ATG5: variants seen among roughly 807,000 people sequenced by gnomAD.
ATG5 encodes autophagy protein 5.
ATG5 carries 14 observed loss-of-function variants against 36.5 expected under a neutral mutation model. The observed-to-expected ratio is 0.38, with a 90% confidence interval of 0.25 to 0.60. The LOEUF (loss-of-function observed/expected upper bound fraction) is 0.60. ATG5 is among the 20% of genes least tolerant of loss of function. The probability of loss-of-function intolerance (pLI) is 0.60; values close to 1 mark genes in which losing one functional copy is unlikely to be tolerated. For missense variants in ATG5, 195 were observed against 326.7 expected (o/e 0.60, Z 3.11); for synonymous variants, 95 against 101.5 (o/e 0.94, Z 0.38).
intron 7 of ATG5, among the ~76,000 whole-genome samples, chr6:106,196,981 C>T (rs1776219626): frequency 1.3e-5 from 2 of 152,098 alleles, no homozygotes; most frequent in African/African-American, 4.8e-5. Flanking sequence ...ACAGATAAAA[C>T]ACAAATGTAT....
chr6:106,187,063 T>TCGGTC (rs1775801042), intron 7 of ATG5, among the ~76,000 whole-genome samples: 1 of 152,212 alleles, frequency 6.6e-6, no homozygotes, highest in Non-Finnish European at 1.5e-5. Context: ...GTACATGAAG[T>TCGGTC]CGGTCCATAC....
chr6:106,251,588 A>G (rs191464941), intron 5 of ATG5, among the ~76,000 whole-genome samples: 3 of 60,968 alleles, frequency 4.9e-5, no homozygotes, highest in Admixed American at 4.4e-4. Flanking sequence ...CTATATTCTT[A>G]TATTAAAAAG....
At chr6:106,297,106 A>G (rs1444313549) in intron 3 of ATG5, among the ~76,000 whole-genome samples, 5 of 152,230 alleles carry the variant, frequency 3.3e-5, no homozygotes, top group Non-Finnish European at 7.3e-5. Context: ...TAATAGAAGA[A>G]CAATATATTT....
intron 6 of ATG5, among the ~76,000 whole-genome samples, chr6:106,205,235 G>A (rs1297622672): frequency 2.6e-5 from 4 of 152,150 alleles, no homozygotes; most frequent in African/African-American, 9.7e-5. Flanking sequence ...CTGGTGCAGT[G>A]GAAAAGGAAG....
intron 5 of ATG5, among the ~76,000 whole-genome samples, chr6:106,278,706 T>C (rs1357666036): frequency 6.6e-6 from 1 of 150,576 alleles, no homozygotes; most frequent in Admixed American, 6.6e-5. Context: ...TCTTGGCCAA[T>C]TCCCTTTTTT....
At position 106,316,229 on chromosome 6, in the gene ATG5, T is replaced by C. The variant is rs762501872; in HGVS notation, c.-21A>G. ...GTCATTCTTCCAGGAGTTAAAGCAG[T>C]ACATACAGGCTAAATTCTTATTTCA... On this transcript the variant is annotated 5_prime_UTR_variant, in exon 2 of 8. Coordinates refer to ENST00000369076, the MANE Select transcript of ATG5 (RefSeq NM_004849.4). 1 of 1,587,308 alleles carries C rather than the reference T, an allele frequency of 6.3e-7. No individual in the cohort carries two copies. Among genetic ancestry groups the C allele is most frequent in the Non-Finnish European group, 8.6e-7 (1 of 1,156,566 alleles).
At chr6:106,240,156 A>C (rs1484586576) in intron 6 of ATG5, among the ~76,000 whole-genome samples, 1 of 152,000 alleles carries the variant, frequency 6.6e-6, no homozygotes, top group Non-Finnish European at 1.5e-5. Flanking sequence ...CGCCTGGCTA[A>C]GGGGCCTTTT....
intron 7 of ATG5, among the ~76,000 whole-genome samples, chr6:106,189,806 T>C (rs749785518): frequency 2.8e-4 from 43 of 152,100 alleles, no homozygotes; most frequent in Middle Eastern, 3.4e-3. Context: ...ACAAAGAAAA[T>C]GACTCAGGAG....
rs185091957 is a variant in ATG5 at position 106,232,866 on chromosome 6, T to C, written c.573+15284A>G. On this transcript the variant is annotated intron_variant, in intron 6 of 7. Coordinates refer to ENST00000369076, the MANE Select transcript of ATG5 (RefSeq NM_004849.4). Reference sequence around the variant, plus strand: ...GACCTTAAGGATGCCTTTTTCTGCATCCCTGTACATCCTGACTCTCAATTC... The same window carrying C: ...GACCTTAAGGATGCCTTTTTCTGCACCCCTGTACATCCTGACTCTCAATTC... Among the ~76,000 whole-genome samples, 3 of 152,280 alleles carry C rather than the reference T, an allele frequency of 2.0e-5. No individual in the cohort carries two copies. In the East Asian group the frequency reaches 5.8e-4, roughly 29 times the overall value.
chr6:106,316,237 G>A lies in ATG5; in HGVS notation c.-29C>T, dbSNP rs1253222085. 3.2e-6 allele frequency: 5 copies of A among 1,569,598 alleles called. No homozygotes were observed. The highest frequency in any genetic ancestry group is 4.4e-6 in the Non-Finnish European group (5 of 1,142,938). ...TCCAGGAGTTAAAGCAGTACATACA[G>A]GCTAAATTCTTATTTCAACCAAAGC... On this transcript the variant is annotated 5_prime_UTR_variant, in exon 2 of 8. Coordinates refer to ENST00000369076, the MANE Select transcript of ATG5 (RefSeq NM_004849.4).
At chr6:106,206,109 A>T (rs1247282644) in intron 6 of ATG5, among the ~76,000 whole-genome samples, 16 of 152,088 alleles carry the variant, frequency 1.1e-4, no homozygotes. Flanking sequence ...TCATGCTGAA[A>T]CCTATTCCTC....
At chr6:106,195,680 G>A (rs1476846273) in intron 7 of ATG5, among the ~76,000 whole-genome samples, 1 of 151,988 alleles carries the variant, frequency 6.6e-6, no homozygotes, top group Non-Finnish European at 1.5e-5. Context: ...GCAGTCAAGA[G>A]AAGCATTTGA....
At chr6:106,221,342 C>T (rs551989101) in intron 6 of ATG5, among the ~76,000 whole-genome samples, 1 of 152,260 alleles carries the variant, frequency 6.6e-6, no homozygotes, top group African/African-American at 2.4e-5. Flanking sequence ...CTATTTTCAA[C>T]AGTTATAACA....
At position 106,186,536 on chromosome 6, in the gene ATG5, T is replaced by A. The variant is rs1282643292; in HGVS notation, c.*4A>T. ...TGATTCTGTTCAGGCAAATAGTTGA[T>A]CCTTCAATCTGTTGGCTGTGGGATG... is the stretch of plus-strand genomic sequence containing the variant. On this transcript the variant is annotated 3_prime_UTR_variant, in exon 8 of 8. Transcript: ENST00000369076. 3.1e-6 allele frequency: 5 copies of A among 1,613,104 alleles called. No homozygotes were observed. Among genetic ancestry groups the A allele is most frequent in the Admixed American group, 1.7e-5 (1 of 59,968 alleles).
intron 6 of ATG5, among the ~76,000 whole-genome samples, chr6:106,230,983 T>C (rs1217781420): frequency 1.3e-5 from 2 of 151,938 alleles, no homozygotes; most frequent in Non-Finnish European, 2.9e-5. Context: ...AGAGTCTACC[T>C]CCCTACCCCA....
intron 5 of ATG5, among the ~76,000 whole-genome samples, chr6:106,270,824 G>A (rs924948692): frequency 1.2e-4 from 19 of 152,076 alleles, no homozygotes; most frequent in African/African-American, 4.3e-4. Context: ...TCTCCATGCA[G>A]CTGCCCAAAT....
rs201547309 is a variant in ATG5, at chr6:106,309,615, G to GC, written c.109-1125_109-1124insG. Among the ~76,000 whole-genome samples, 232 of 152,198 alleles carry GC rather than the reference G, an allele frequency of 1.5e-3. 9 individuals are homozygous for GC. The East Asian group carries it at 0.039, about 25-fold the overall frequency. On this transcript the variant is annotated intron_variant, in intron 2 of 7. Coordinates refer to ENST00000369076, the MANE Select transcript of ATG5 (RefSeq NM_004849.4). ...TTACTATTTAATATAAGAAAAAGCA[G>GC]TTTTTCCCCCACAGGAAGTATTATC...
At chr6:106,321,811 G>A (rs1362518182) in intron 1 of ATG5, among the ~76,000 whole-genome samples, 1 of 152,018 alleles carries the variant, frequency 6.6e-6, no homozygotes, top group Non-Finnish European at 1.5e-5. Flanking sequence ...TCCCCACATT[G>A]AACTGGGAGT....
At chr6:106,259,035 T>C (rs1191130037) in intron 5 of ATG5, among the ~76,000 whole-genome samples, 1 of 152,206 alleles carries the variant, frequency 6.6e-6, no homozygotes, top group Non-Finnish European at 1.5e-5. Context: ...AACTATTCTT[T>C]AAAAGAAGAC....
Sources: allele counts gnomAD v4.1 joint callset (sites outside exome capture counted in the v4.1 genomes callset), GRCh38; gene constraint gnomAD v4.1.1; transcripts MANE v1.5; gene names NCBI Gene and HGNC (gene_info 2026-07-23, HGNC 2026-07-21).